Variants in BCAS3 observed in about 807,000 individuals in gnomAD.
BCAS3 encodes the protein BCAS3 microtubule associated cell migration factor.
Under a neutral mutation model 116.1 loss-of-function variants are expected in BCAS3, and 53 were observed. That is an observed-to-expected ratio of 0.46 (90% CI 0.37 to 0.57). BCAS3 has a LOEUF of 0.57. Among genes scored for constraint, BCAS3 ranks in the 20% least tolerant of loss-of-function variants. The pLI is 0.00. For synonymous variants in BCAS3, 391 were observed against 408.2 expected (o/e 0.96, Z 0.51); for missense variants, 917 against 1,165.4 (o/e 0.79, Z 3.10).
intron 5 of BCAS3, among the ~76,000 whole-genome samples, chr17:60,721,497 A>C (rs1290826645): frequency 1.3e-5 from 2 of 152,158 alleles, no homozygotes; most frequent in Non-Finnish European, 2.9e-5. Flanking sequence ...TCTGAAACTT[A>C]ATTTTTCCCT....
chr17:61,314,189 G>A (rs1035603772), intron 22 of BCAS3, among the ~76,000 whole-genome samples: 1 of 152,172 alleles, frequency 6.6e-6, no homozygotes, highest in Non-Finnish European at 1.5e-5. Context: ...GGAGATTCAC[G>A]TTTTGATCTT....
chr17:61,104,746 TA>T lies in BCAS3; in HGVS notation c.2425+20190del, dbSNP rs1035905152. ...AAATGAAAAATATTTGCCCTCTCCA[TA>T]AAAAAAATGCTTACAACTTTATCTT... On this transcript the variant is annotated intron_variant, in intron 22 of 23. Coordinates refer to ENST00000407086, the MANE Select transcript of BCAS3 (RefSeq NM_017679.5). This position sits in a 1 kb window ranked among gnomAD's most constrained non-coding sequence, Gnocchi z 4.1. 6.6e-6 allele frequency among the ~76,000 whole-genome samples: 1 copy of T among 151,866 alleles called. No individual in the cohort carries two copies. The highest frequency in any genetic ancestry group is 2.4e-5 in the African/African-American group (1 of 41,336).
intron 12 of BCAS3, among the ~76,000 whole-genome samples, chr17:60,912,780 T>G (rs1179815786): frequency 2.6e-5 from 4 of 152,124 alleles, no homozygotes; most frequent in Admixed American, 2.6e-4. Context: ...TTTTGATTTT[T>G]AATTAATTCA....
At position 61,213,359 on chromosome 17, in the gene BCAS3, G is replaced by T. The variant is rs927928345; in HGVS notation, c.2425+128795G>T. Among the ~76,000 whole-genome samples the T allele has an allele frequency of 6.6e-6, 1 of 151,884 alleles. No individual in the cohort carries two copies. The highest frequency in any genetic ancestry group is 1.5e-5 in the Non-Finnish European group (1 of 67,986). The stretch of plus-strand genomic sequence containing the variant: ...TAATTTTTGTATTTTTAGTAGAAAC[G>T]GGGTTTCACCAGCTTGGCCAGGCTG... On this transcript the variant is annotated intron_variant, in intron 22 of 23. Coordinates refer to ENST00000407086, the MANE Select transcript of BCAS3 (RefSeq NM_017679.5). The surrounding 1 kb of genome is among the most constrained non-coding windows in gnomAD (Gnocchi z 5.4).
intron 15 of BCAS3, among the ~76,000 whole-genome samples, chr17:61,014,723 G>A (rs889456197): frequency 6.6e-6 from 1 of 151,794 alleles, no homozygotes; most frequent in African/African-American, 2.4e-5. Context: ...ACATAATTAT[G>A]TATGTAGAAA....
intron 7 of BCAS3, among the ~76,000 whole-genome samples, chr17:60,826,738 T>A (rs146702760): frequency 1.1e-4 from 16 of 152,310 alleles, no homozygotes; most frequent in Non-Finnish European, 2.1e-4. Context: ...TTCTCATCTC[T>A]CCTGAGCTAT....
chr17:60,834,416 A>G (rs539005746), intron 7 of BCAS3, among the ~76,000 whole-genome samples: 1 of 152,180 alleles, frequency 6.6e-6, no homozygotes, highest in South Asian at 2.1e-4. Flanking sequence ...GACTTTAAGC[A>G]TAATCTATTA....
chr17:61,343,736 T>C lies in BCAS3; in HGVS notation c.2426-24591T>C, dbSNP rs2057331231. On this transcript the variant is annotated intron_variant, in intron 22 of 23. Transcript: ENST00000407086. The surrounding 1 kb of genome is among the most constrained non-coding windows in gnomAD (Gnocchi z 5.5). ...AATATTATCCTCCAGGAACTTGTGA[T>C]TATCCTCTGTCTAAGTCAAAAGCAG... 6.6e-6 allele frequency among the ~76,000 whole-genome samples: 1 copy of C among 152,250 alleles called. No individual in the cohort carries two copies.
intron 20 of BCAS3, 31 bp from the exon 21 acceptor site, chr17:61,078,302 C>T: frequency 1.3e-6 from 2 of 1,560,988 alleles, no homozygotes; most frequent in Non-Finnish European, 1.7e-6. Context: ...GATCACAAAC[C>T]ATTTAAATCA....
At position 61,258,077 on chromosome 17, in the gene BCAS3, A is replaced by G. The variant is rs577513979; in HGVS notation, c.2426-110250A>G. Among the ~76,000 whole-genome samples, 22 of 151,992 alleles carry G rather than the reference A, an allele frequency of 1.4e-4. No individual in the cohort carries two copies. The highest frequency in any genetic ancestry group is 6.6e-4 in the Admixed American group (10 of 15,264). ...AGCCCTGCTCTTCTCAGTGTCCTTCATACACTCCTGGTTAACCACCTACAG... is the reference window on the plus strand; with the variant it reads ...AGCCCTGCTCTTCTCAGTGTCCTTCGTACACTCCTGGTTAACCACCTACAG... On this transcript the variant is annotated intron_variant, in intron 22 of 23. Transcript: ENST00000407086. This position sits in a 1 kb window ranked among gnomAD's most constrained non-coding sequence, Gnocchi z 4.7.
chr17:60,958,794 A>G (rs1163262007), intron 14 of BCAS3, among the ~76,000 whole-genome samples: 1 of 152,258 alleles, frequency 6.6e-6, no homozygotes, highest in African/African-American at 2.4e-5. Flanking sequence ...AAGACTTACT[A>G]AAACTACAAT....
chr17:60,915,765 C>T lies in BCAS3; in HGVS notation c.993+5063C>T, dbSNP rs190960142. ...TGGCGCGATCTTGGCTCACTGCAAGCTCTGCCTCCTGGGTTCATGCCATTC... is the reference window on the plus strand; with the variant it reads ...TGGCGCGATCTTGGCTCACTGCAAGTTCTGCCTCCTGGGTTCATGCCATTC... On this transcript the variant is annotated intron_variant, in intron 12 of 23. Coordinates refer to ENST00000407086, the MANE Select transcript of BCAS3 (RefSeq NM_017679.5). 2.6e-3 allele frequency among the ~76,000 whole-genome samples: 397 copies of T among 151,342 alleles called. 1 individual carries two copies. The highest frequency in any genetic ancestry group is 4.7e-3 in the Non-Finnish European group (320 of 67,932).
At chr17:61,062,058 C>G (rs1771309463) in intron 19 of BCAS3, among the ~76,000 whole-genome samples, 2 of 152,244 alleles carry the variant, frequency 1.3e-5, no homozygotes, top group South Asian at 2.1e-4. Context: ...TTATCGTTTT[C>G]CAACTTCTGT....
intron 4 of BCAS3, among the ~76,000 whole-genome samples, chr17:60,705,438 C>A (rs2036987458): frequency 6.7e-6 from 1 of 149,922 alleles, no homozygotes; most frequent in Non-Finnish European, 1.5e-5. Flanking sequence ...TCGCTTGAGC[C>A]TGGGAGGCGG....
intron 6 of BCAS3, among the ~76,000 whole-genome samples, chr17:60,768,606 ATATC>A (rs1289973166): frequency 2.0e-5 from 3 of 152,034 alleles, no homozygotes; most frequent in African/African-American, 4.8e-5. Flanking sequence ...CCTTTTTTAT[ATATC>A]TATCTATCTC....
intron 22 of BCAS3, among the ~76,000 whole-genome samples, chr17:61,197,791 C>G (rs934511495): frequency 6.6e-6 from 1 of 152,242 alleles, no homozygotes; most frequent in Non-Finnish European, 1.5e-5. Context: ...CCCTCAAACA[C>G]TCAGATTTAC....
intron 22 of BCAS3, among the ~76,000 whole-genome samples, chr17:61,262,528 GC>G (rs1237591056): frequency 6.6e-6 from 1 of 151,968 alleles, no homozygotes; most frequent in East Asian, 1.9e-4. Flanking sequence ...TTACAGGCAC[GC>G]ACCACTGCGC....
intron 22 of BCAS3, among the ~76,000 whole-genome samples, chr17:61,091,294 T>C (rs1306816440): frequency 1.3e-5 from 2 of 152,196 alleles, no homozygotes; most frequent in Non-Finnish European, 2.9e-5. Context: ...ACATGGGACT[T>C]TTTGACCAAA....
intron 19 of BCAS3, among the ~76,000 whole-genome samples, chr17:61,044,504 A>C (rs1032306287): frequency 5.4e-5 from 8 of 149,238 alleles, no homozygotes; most frequent in African/African-American, 2.0e-4. Context: ...ACTCTTGTTT[A>C]TATCAGTCAG....
Sources: gnomAD v4.1 joint callset for allele counts (sites outside exome capture counted in the v4.1 genomes callset) on GRCh38, gnomAD v4.1.1 for gene constraint, Gnocchi (gnomAD v3.1) non-coding constraint, MANE v1.5 for transcripts, NCBI Gene and HGNC (gene_info 2026-07-23, HGNC 2026-07-21) for gene names.